SERPINF2: variants seen among roughly 807,000 people sequenced by gnomAD.
The protein encoded by SERPINF2 is alpha-2-antiplasmin.
In SERPINF2, 15 loss-of-function variants were observed where a neutral mutation model predicts 45.0. The ratio of observed to expected loss-of-function variants is 0.33; its 90% CI spans 0.22 to 0.51. SERPINF2 has a LOEUF of 0.51. Among genes scored for constraint, SERPINF2 ranks in the 20% least tolerant of loss-of-function variants. The probability of loss-of-function intolerance (pLI) is 0.97; values close to 1 mark genes in which losing one functional copy is unlikely to be tolerated. For synonymous variants in SERPINF2, 283 were observed against 277.9 expected, an observed-to-expected ratio of 1.02 and a Z score of -0.18; for missense variants, 518 against 637.4, an observed-to-expected ratio of 0.81 and a Z score of 2.02.
rs753315305 is a variant in SERPINF2 at position 1,747,013 on chromosome 17, C to A, written c.368-6C>A. The A allele has an allele frequency of 1.4e-5, 22 of 1,604,740 alleles. 1 individual carries two copies. In the African/African-American group the frequency reaches 2.7e-4, roughly 19 times the overall value. Reference sequence around the variant, plus strand: ...GCCGGGCCTCAGCCTGTGCGGTGCCCTCCAGGTGCTCAGAACCACACGTTG... The same window carrying A: ...GCCGGGCCTCAGCCTGTGCGGTGCCATCCAGGTGCTCAGAACCACACGTTG... On this transcript the variant is annotated splice_polypyrimidine_tract_variant and splice_region_variant and intron_variant, in intron 5 of 9. Transcript: ENST00000453066.
At position 1,745,921 on chromosome 17, in the gene SERPINF2, C is replaced by A; in HGVS notation, c.367+12C>A. ...TCACCTGGCACTAGGTACCCTGGCA[C>A]CACTTGTCCAGACCAAGAGAGCTGG... On this transcript the variant is annotated intron_variant, in intron 5 of 9. Coordinates refer to ENST00000453066, the MANE Select transcript of SERPINF2 (RefSeq NM_000934.4). The surrounding 1 kb of genome is among the most constrained non-coding windows in gnomAD (Gnocchi z 6.2). 1.2e-6 allele frequency: 2 copies of A among 1,611,746 alleles called. No homozygotes were observed. The highest frequency in any genetic ancestry group is 2.2e-5 in the South Asian group (2 of 90,804).
rs775293903 is a variant in SERPINF2, at chr17:1,754,418, A to G, written c.1360A>G (p.Lys454Glu). The change falls in exon 10 of 10, where the codon AAG becomes GAG. Residue 454 changes from lysine (K) to glutamate (E), a missense_variant. By Grantham distance (56) the Lys-to-Glu change is moderately conservative (BLOSUM62 1). Around this residue, in one of 2 missense-constraint regions of SERPINF2, gnomAD observed 83 missense variants for 60.0 expected, o/e 1.38. Coordinates refer to ENST00000453066, the MANE Select transcript of SERPINF2 (RefSeq NM_000934.4). ...GGAACAGCAGGATTCCCCGGGCAAC[A>G]AGGACTTCCTCCAGAGCCTGAAAGG... The part of the protein sequence containing the change: ...LKEQQDSPGN[K>E]DFLQSLKGFP... 1 of 1,613,194 alleles carries G rather than the reference A, an allele frequency of 6.2e-7. No individual in the cohort carries two copies. The highest frequency in any genetic ancestry group is 8.5e-7 in the Non-Finnish European group (1 of 1,179,286).
At chr17:1,748,366 A>G (rs1366121952) in intron 7 of SERPINF2, among the ~76,000 whole-genome samples, 1 of 151,842 alleles carries the variant, frequency 6.6e-6, no homozygotes, top group Non-Finnish European at 1.5e-5. Context: ...GGGAAAACAC[A>G]AGCCCAGATT....
rs1335349659 is a variant in SERPINF2 at position 1,745,548 on chromosome 17, C to T, written c.165+153C>T. 9 of 1,188,288 alleles carry T rather than the reference C, an allele frequency of 7.6e-6. No individual in the cohort carries two copies. The highest frequency in any genetic ancestry group is 7.2e-6 in the Non-Finnish European group (6 of 830,004). 73.6% of individuals were successfully genotyped at this position (1,188,288 alleles called of 1,614,324 possible). On this transcript the variant is annotated intron_variant, in intron 4 of 9. Coordinates refer to ENST00000453066, the MANE Select transcript of SERPINF2 (RefSeq NM_000934.4). This position sits in a 1 kb window ranked among gnomAD's most constrained non-coding sequence, Gnocchi z 6.2. ...GGGTGGGGAGGACCGAAGGTGGGCGCCAGGCCCCAGAATGCCAGTGCCCTC... is the reference window on the plus strand; with the variant it reads ...GGGTGGGGAGGACCGAAGGTGGGCGTCAGGCCCCAGAATGCCAGTGCCCTC...
Position 1,752,803 on chromosome 17 carries a change from G to A in SERPINF2, c.1063+13G>A. 6.3e-7 allele frequency: 1 copy of A among 1,592,904 alleles called. No individual in the cohort carries two copies. The highest frequency in any genetic ancestry group is 8.5e-7 in the Non-Finnish European group (1 of 1,169,902). The stretch of plus-strand genomic sequence containing the variant: ...CTCAGCCAGCTGGGTAAGGAGGAGG[G>A]TGCGGGCGAGCCCCCGAGGTCAGGC... On this transcript the variant is annotated intron_variant, in intron 9 of 9. Transcript: ENST00000453066.
chr17:1,748,218 G>A (rs1276993857), intron 7 of SERPINF2, among the ~76,000 whole-genome samples: 6 of 151,880 alleles, frequency 4.0e-5, no homozygotes, highest in East Asian at 3.9e-4. Context: ...GGAGAATGGC[G>A]TGAGCCCGGG....
rs1906442121 is a variant in SERPINF2, at chr17:1,752,034, G to A, written c.859-552G>A. ...ATTATTGAGCACCGTCTGTGACAGC[G>A]GACACTGCTACAATGTTGTTTTTTT... On this transcript the variant is annotated intron_variant, in intron 8 of 9. Transcript: ENST00000453066. 2.2e-5 allele frequency among the ~76,000 whole-genome samples: 3 copies of A among 138,418 alleles called. 1 individual carries two copies. The South Asian group carries it at 7.1e-4, about 33-fold the overall frequency. 90.8% of individuals were successfully genotyped at this position (138,418 alleles called of 152,430 possible). A position where few individuals can be genotyped will look rare whatever the true frequency, so the allele number is the denominator to read the frequency against.
At chr17:1,751,931 C>G (rs896713273) in intron 8 of SERPINF2, among the ~76,000 whole-genome samples, 4 of 139,042 alleles carry the variant, frequency 2.9e-5, no homozygotes, top group African/African-American at 9.8e-5. Flanking sequence ...TCTGGAGAAG[C>G]TGAGACAAAG....
At chr17:1,753,298 AG>A (rs1005613291) in intron 9 of SERPINF2, among the ~76,000 whole-genome samples, 3 of 152,182 alleles carry the variant, frequency 2.0e-5, no homozygotes, top group African/African-American at 7.2e-5. Flanking sequence ...TTGAGGTGGG[AG>A]GCCCTCTTGA....
rs778767873 is a variant in SERPINF2, at chr17:1,747,025, A to T, written c.374A>T (p.Gln125Leu). ...LALSHLALGAQNHTLQRLQQV... is the reference protein window; with the variant it reads ...LALSHLALGALNHTLQRLQQV... ...CCTGTGCGGTGCCCTCCAGGTGCTC[A>T]GAACCACACGTTGCAGAGGCTGCAA... The change falls in exon 6 of 10, where the codon CAG becomes CTG. Residue 125 changes from glutamine (Q) to leucine (L), a missense_variant. Physicochemically the swap from Gln to Leu is moderately radical, Grantham distance 113. Around this residue, in one of 2 missense-constraint regions of SERPINF2, gnomAD observed 435 missense variants for 577.3 expected, o/e 0.75. Transcript: ENST00000453066. 27 of 1,605,920 alleles carry T rather than the reference A, an allele frequency of 1.7e-5. No individual in the cohort carries two copies. Among genetic ancestry groups the T allele is most frequent in the Non-Finnish European group, 2.3e-5 (27 of 1,179,846 alleles).
rs1567737426 is a variant in SERPINF2, at chr17:1,745,166, T to C, written c.64-9T>C. 1 of 1,571,448 alleles carries C rather than the reference T, an allele frequency of 6.4e-7. No individual in the cohort carries two copies. Among genetic ancestry groups the C allele is most frequent in the African/African-American group, 1.4e-5 (1 of 73,546 alleles). On this transcript the variant is annotated splice_polypyrimidine_tract_variant and intron_variant, in intron 2 of 9. Transcript: ENST00000453066. The surrounding 1 kb of genome is among the most constrained non-coding windows in gnomAD (Gnocchi z 6.2). ...AGGGGACCTCCTATCCTCATCCCTTTCTCCACAGTTCTCCCCTGTGAGCGC... is the reference window on the plus strand; with the variant it reads ...AGGGGACCTCCTATCCTCATCCCTTCCTCCACAGTTCTCCCCTGTGAGCGC...
chr17:1,745,203 T>C lies in SERPINF2; in HGVS notation c.92T>C (p.Leu31Ser). The change falls in exon 3 of 10, where the codon TTG becomes TCG. Residue 31 changes from leucine (L) to serine (S), a missense_variant. Leu to Ser is a moderately radical substitution (Grantham distance 145, BLOSUM62 -2). This residue lies in a region of SERPINF2 where 435 missense variants were observed against 577.3 expected (regional missense o/e 0.75). Coordinates refer to ENST00000453066, the MANE Select transcript of SERPINF2 (RefSeq NM_000934.4). This position sits in a 1 kb window ranked among gnomAD's most constrained non-coding sequence, Gnocchi z 6.2. ...TCCCCTGTGAGCGCCATGGAGCCCT[T>C]GGGCCGGCAGGTACTGGGGAGTGAG... ...VFSPVSAMEP[L>S]GRQLTSGPNQ... The C allele has an allele frequency of 7.0e-7, 1 of 1,418,758 alleles. No homozygotes were observed. 87.9% of individuals were successfully genotyped at this position (1,418,758 alleles called of 1,614,324 possible).
chr17:1,745,575 G>A lies in SERPINF2; in HGVS notation c.166-133G>A, dbSNP rs1051834721. 69 of 1,182,674 alleles carry A rather than the reference G, an allele frequency of 5.8e-5. No homozygotes were observed. The highest frequency in any genetic ancestry group is 5.0e-4 in the East Asian group (20 of 39,956). The allele number at this position is 1,182,674 out of a possible 1,614,324, so 73.3% of individuals were successfully genotyped here. On this transcript the variant is annotated intron_variant, in intron 4 of 9. Transcript: ENST00000453066. This position sits in a 1 kb window ranked among gnomAD's most constrained non-coding sequence, Gnocchi z 6.2. ...AGGCCCCAGAATGCCAGTGCCCTCCGTCTGACGCTCCCTCTTCCCTGGGGC... is the reference window on the plus strand; with the variant it reads ...AGGCCCCAGAATGCCAGTGCCCTCCATCTGACGCTCCCTCTTCCCTGGGGC...
chr17:1,745,887 G>C lies in SERPINF2; in HGVS notation c.345G>C (p.Leu115=). The C allele has an allele frequency of 1.2e-6, 2 of 1,614,046 alleles. No homozygotes were observed. The highest frequency in any genetic ancestry group is 2.2e-5 in the South Asian group (2 of 91,082). The change falls in exon 5 of 10, where the codon CTG becomes CTC. Residue 115 remains leucine (L), a synonymous_variant. Transcript: ENST00000453066. This position sits in a 1 kb window ranked among gnomAD's most constrained non-coding sequence, Gnocchi z 6.2. ...NLILSPLSVA[L]ALSHLALGAQ... is the part of the protein sequence containing the mutation. Reference sequence around the variant, plus strand: ...TCCTGTCACCCCTGAGTGTGGCCCTGGCGCTGTCTCACCTGGCACTAGGTA... The same window carrying C: ...TCCTGTCACCCCTGAGTGTGGCCCTCGCGCTGTCTCACCTGGCACTAGGTA...
chr17:1,754,381 G>C lies in SERPINF2; in HGVS notation c.1323G>C (p.Pro441=). ...TGAGGAACCCCAACCCCAGTGCACC[G>C]CGGGAGCTCAAGGAACAGCAGGATT... ...GSVRNPNPSA[P]RELKEQQDSP... is the part of the protein sequence containing the mutation. The change falls in exon 10 of 10, where the codon CCG becomes CCC. Residue 441 remains proline (P), a synonymous_variant. Coordinates refer to ENST00000453066, the MANE Select transcript of SERPINF2 (RefSeq NM_000934.4). The C allele has an allele frequency of 6.2e-7, 1 of 1,614,094 alleles. No homozygotes were observed. Among genetic ancestry groups the C allele is most frequent in the Non-Finnish European group, 8.5e-7 (1 of 1,180,004 alleles).
intron 8 of SERPINF2, among the ~76,000 whole-genome samples, chr17:1,752,127 T>C (rs139206954): frequency 0.15 from 19,506 of 128,700 alleles, 2,889 homozygotes; most frequent in East Asian, 0.37. Flanking sequence ...TCTTGGCTCA[T>C]GGCAACCTCT....
intron 8 of SERPINF2, among the ~76,000 whole-genome samples, chr17:1,751,004 C>T (rs995891206): frequency 2.6e-5 from 4 of 152,214 alleles, no homozygotes; most frequent in Non-Finnish European, 5.9e-5. Flanking sequence ...CCTCTGCAGA[C>T]AGGCCCAAAC....
chr17:1,750,229 A>G (rs1033875615), intron 8 of SERPINF2, among the ~76,000 whole-genome samples: 1 of 152,004 alleles, frequency 6.6e-6, no homozygotes, highest in Non-Finnish European at 1.5e-5. Flanking sequence ...GTTCACTGCA[A>G]TCTCTACCTC....
intron 1 of SERPINF2, chr17:1,744,548 T>G: frequency 2.0e-6 from 2 of 985,234 alleles, no homozygotes; most frequent in Non-Finnish European, 2.4e-6. Flanking sequence ...GTCCTCACCA[T>G]GCATGTGAGA....
Sources: allele counts gnomAD v4.1 joint callset (sites outside exome capture counted in the v4.1 genomes callset), GRCh38; gene constraint gnomAD v4.1.1; regional missense constraint gnomAD v4.1.1; non-coding constraint Gnocchi (gnomAD v3.1); transcripts MANE v1.5; gene names NCBI Gene and HGNC (gene_info 2026-07-23, HGNC 2026-07-21).